The following CACNA2D1 variants were observed in gnomAD, a reference collection of about 807,000 sequenced individuals.
The protein encoded by CACNA2D1 is voltage-dependent calcium channel subunit alpha-2/delta-1.
In CACNA2D1, 53 loss-of-function variants were observed where a neutral mutation model predicts 171.5. The observed-to-expected ratio is 0.31, with a 90% CI of 0.25 to 0.39. CACNA2D1 has a LOEUF of 0.39. Ranked by LOEUF, CACNA2D1 falls within the 10% of genes least tolerant of loss-of-function variation. CACNA2D1 has a pLI of 1.00. For missense variants in CACNA2D1, 903 were observed against 1,299.8 expected (o/e 0.69, Z 4.69); for synonymous variants, 442 against 443.1 (o/e 1.00, Z 0.03).
At chr7:82,037,862 T>G (rs991956088) in intron 11 of CACNA2D1, among the ~76,000 whole-genome samples, 5 of 152,142 alleles carry the variant, frequency 3.3e-5, no homozygotes, top group Admixed American at 3.3e-4. Flanking sequence ...ATAAAAAATA[T>G]CAAAAACTTA....
intron 3 of CACNA2D1, among the ~76,000 whole-genome samples, chr7:82,268,982 CA>C (rs1380105671): frequency 2.6e-5 from 4 of 152,142 alleles, no homozygotes; most frequent in African/African-American, 9.7e-5. Context: ...ATAGGAAATG[CA>C]AACAGTTTTA....
At chr7:82,224,362 C>T (rs1283232015) in intron 3 of CACNA2D1, among the ~76,000 whole-genome samples, 1 of 151,832 alleles carries the variant, frequency 6.6e-6, no homozygotes, top group Non-Finnish European at 1.5e-5. Context: ...CCGAGGCGGG[C>T]GGATCACAAG....
chr7:82,045,621 G>T (rs1293066803), intron 10 of CACNA2D1, among the ~76,000 whole-genome samples: 1 of 152,070 alleles, frequency 6.6e-6, no homozygotes, highest in Admixed American at 6.6e-5. Context: ...AACAAATTAA[G>T]ATTTTGAATA....
rs769900454 is a variant in CACNA2D1 at position 81,962,017 on chromosome 7, A to G, written c.2843T>C (p.Met948Thr). ...GGAGGCCGTGAAGTCATCATCCTCCATCTCAACTTGGGTGGCGGGGGACGG... is the reference window on the plus strand; with the variant it reads ...GGAGGCCGTGAAGTCATCATCCTCCGTCTCAACTTGGGTGGCGGGGGACGG... ...TFPRLLEAVE[M>T]EDDDFTASLS... Residue 948 changes from methionine to threonine, a missense_variant, in exon 36 of 39, where the codon ATG becomes ACG. By Grantham distance (81) the Met-to-Thr change is moderately conservative (BLOSUM62 -1). This residue lies in a region of CACNA2D1 where 623 missense variants were observed against 925.5 expected (regional missense o/e 0.67). Transcript: ENST00000356860. 3.1e-6 allele frequency: 5 copies of G among 1,612,238 alleles called. No individual in the cohort carries two copies. The South Asian group carries it at 4.4e-5, about 14-fold the overall frequency.
chr7:82,121,938 A>G (rs2129058375), intron 5 of CACNA2D1, among the ~76,000 whole-genome samples: 1 of 152,276 alleles, frequency 6.6e-6, no homozygotes, highest in East Asian at 1.9e-4. Flanking sequence ...CTAAGAAAAG[A>G]AAGTTTTAAA....
At chr7:82,140,679 G>C (rs772436803) in intron 4 of CACNA2D1, among the ~76,000 whole-genome samples, 73 of 152,120 alleles carry the variant, frequency 4.8e-4, no homozygotes, top group Non-Finnish European at 9.0e-4. Flanking sequence ...CAATTGGCTG[G>C]GCGCGGTGGC....
Position 82,443,726 on chromosome 7 carries a change from C to T in CACNA2D1, c.-267G>A, listed in dbSNP as rs1563560923. The T allele has an allele frequency of 2.3e-5, 28 of 1,232,422 alleles. No individual in the cohort carries two copies. The highest frequency in any genetic ancestry group is 3.1e-5 in the African/African-American group (2 of 64,224). The allele number at this position is 1,232,422 out of a possible 1,614,324, so 76.3% of individuals were successfully genotyped here. ...GCCTTGCCTCCGCCGCCATCAAGGG[C>T]GACTTTGGAAACAGACCTCGGCGAG... On this transcript the variant is annotated 5_prime_UTR_variant, in exon 1 of 39. Coordinates refer to ENST00000356860, the MANE Select transcript of CACNA2D1 (RefSeq NM_000722.4).
intron 1 of CACNA2D1, among the ~76,000 whole-genome samples, chr7:82,374,548 T>C (rs1242556130): frequency 6.6e-6 from 1 of 152,110 alleles, no homozygotes; most frequent in African/African-American, 2.4e-5. Flanking sequence ...CATCCATCTT[T>C]GCAAATGAGA....
At chr7:82,324,364 AAAG>A (rs1469871293) in intron 3 of CACNA2D1, among the ~76,000 whole-genome samples, 6 of 146,478 alleles carry the variant, frequency 4.1e-5, no homozygotes, top group African/African-American at 1.0e-4. Flanking sequence ...AAAAAAAAAA[AAAG>A]AAGAAGGAAG....
intron 38 of CACNA2D1, among the ~76,000 whole-genome samples, chr7:81,957,915 TTAATATTTC>T (rs1793616957): frequency 6.6e-6 from 1 of 152,078 alleles, no homozygotes; most frequent in South Asian, 2.1e-4. Flanking sequence ...TCATCTGAAT[TTAATATTTC>T]TAGTGTCAAA....
chr7:81,950,623 C>T, intron 38 of CACNA2D1, 115 bp from the exon 39 acceptor site: 2 of 1,361,278 alleles, frequency 1.5e-6, no homozygotes, highest in Non-Finnish European at 2.0e-6. Flanking sequence ...CTGAACTTAC[C>T]TTATAAAACT....
intron 6 of CACNA2D1, among the ~76,000 whole-genome samples, chr7:82,090,182 T>G (rs918467068): frequency 6.6e-6 from 1 of 152,136 alleles, no homozygotes; most frequent in Non-Finnish European, 1.5e-5. Context: ...TACAATATTG[T>G]TAACTATCCT....
At chr7:81,960,953 A>G (rs1178220020) in intron 36 of CACNA2D1, among the ~76,000 whole-genome samples, 1 of 151,890 alleles carries the variant, frequency 6.6e-6, no homozygotes, top group Non-Finnish European at 1.5e-5. Context: ...TTGGAGATAG[A>G]GGTCTGCTAA....
At chr7:82,311,879 C>T (rs1814508961) in intron 3 of CACNA2D1, among the ~76,000 whole-genome samples, 1 of 152,058 alleles carries the variant, frequency 6.6e-6, no homozygotes, top group African/African-American at 2.4e-5. Flanking sequence ...CTACACAGTT[C>T]CCTTAAAAAA....
chr7:82,357,252 T>C (rs1820535136), intron 1 of CACNA2D1, among the ~76,000 whole-genome samples: 1 of 152,162 alleles, frequency 6.6e-6, no homozygotes, highest in South Asian at 2.1e-4. Flanking sequence ...GTAAACTCTT[T>C]ATTTTCAAAA....
chr7:82,316,152 G>GT (rs1585459593), intron 3 of CACNA2D1, among the ~76,000 whole-genome samples: 1 of 151,934 alleles, frequency 6.6e-6, no homozygotes, highest in Non-Finnish European at 1.5e-5. Context: ...AAAAGACACA[G>GT]ATAATAAATA....
At chr7:82,090,388 T>C (rs1401035667) in intron 6 of CACNA2D1, among the ~76,000 whole-genome samples, 1 of 152,108 alleles carries the variant, frequency 6.6e-6, no homozygotes, top group Non-Finnish European at 1.5e-5. Context: ...TGTAAGGGAC[T>C]AGATACTAAA....
chr7:82,112,999 GTCT>G (rs1247947995), intron 6 of CACNA2D1, among the ~76,000 whole-genome samples: 1 of 152,094 alleles, frequency 6.6e-6, no homozygotes, highest in African/African-American at 2.4e-5. Flanking sequence ...CATGAAAATT[GTCT>G]TCTTTTATCA....
chr7:82,088,776 T>C (rs1391018164), intron 6 of CACNA2D1, among the ~76,000 whole-genome samples: 1 of 152,098 alleles, frequency 6.6e-6, no homozygotes, highest in Non-Finnish European at 1.5e-5. Flanking sequence ...TATTTTATAT[T>C]CTCAATTATA....
Sources: gnomAD v4.1 joint callset for allele counts (sites outside exome capture counted in the v4.1 genomes callset) on GRCh38, gnomAD v4.1.1 for gene constraint, gnomAD v4.1.1 regional missense constraint, MANE v1.5 for transcripts, NCBI Gene and HGNC (gene_info 2026-07-23, HGNC 2026-07-21) for gene names.